VRK2: variants seen among roughly 807,000 people sequenced by gnomAD.
VRK2 encodes the protein VRK serine/threonine kinase 2.
In VRK2, 60 loss-of-function variants were observed where a neutral mutation model predicts 57.6. The observed-to-expected ratio is 1.04, with a 90% CI of 0.85 to 1.29. VRK2 has a LOEUF of 1.29. Ranked by LOEUF, VRK2 falls within the 50% of genes most tolerant of loss-of-function variation. The probability of loss-of-function intolerance (pLI) is 0.00; values close to 1 mark genes in which losing one functional copy is unlikely to be tolerated. For synonymous variants in VRK2, 231 were observed against 199.2 expected (o/e 1.16, Z -1.35); for missense variants, 705 against 588.1 (o/e 1.20, Z -2.06).
chr2:57,941,743 G>C (rs911265865), intron 1 of VRK2, among the ~76,000 whole-genome samples: 23 of 152,140 alleles, frequency 1.5e-4, no homozygotes, highest in Admixed American at 1.0e-3. Flanking sequence ...AGTGCCCTTT[G>C]GCTGGCCACA....
chr2:58,018,262 A>G (rs35876471), intron 1 of VRK2, among the ~76,000 whole-genome samples: 19,080 of 152,160 alleles, frequency 0.13, 1,340 homozygotes, highest in African/African-American at 0.18. Flanking sequence ...CAAAATGCTG[A>G]GATTACAGGC....
intron 1 of VRK2, among the ~76,000 whole-genome samples, chr2:57,974,647 T>A (rs142771475): frequency 1.3e-4 from 20 of 152,020 alleles, no homozygotes; most frequent in Middle Eastern, 3.4e-3. Context: ...CAAAGCCACT[T>A]CAGAGAAAAA....
chr2:58,131,717 T>G, intron 8 of VRK2, 91 bp from the exon 9 acceptor site: 1 of 1,413,552 alleles, frequency 7.1e-7, no homozygotes, highest in Non-Finnish European at 9.4e-7. Flanking sequence ...GGCTTTTTCA[T>G]ATTTCATCAG....
chr2:58,058,968 C>T (rs981199083), intron 2 of VRK2, among the ~76,000 whole-genome samples: 1 of 152,040 alleles, frequency 6.6e-6, no homozygotes, highest in African/African-American at 2.4e-5. Context: ...TTATAACAAG[C>T]TCATTTCTAA....
At chr2:58,129,975 G>C (rs1678937092) in intron 8 of VRK2, among the ~76,000 whole-genome samples, 2 of 152,144 alleles carry the variant, frequency 1.3e-5, no homozygotes, top group African/African-American at 4.8e-5. Context: ...TTTTAATTAG[G>C]TAAGACCAAA....
intron 2 of VRK2, among the ~76,000 whole-genome samples, chr2:58,027,732 A>G (rs1673977043): frequency 1.3e-5 from 2 of 152,240 alleles, no homozygotes; most frequent in Admixed American, 1.3e-4. Context: ...GTTTCAAACT[A>G]GAAAAATAAT....
At chr2:58,115,684 G>T (rs1317187281) in intron 7 of VRK2, among the ~76,000 whole-genome samples, 2 of 152,196 alleles carry the variant, frequency 1.3e-5, no homozygotes, top group Non-Finnish European at 2.9e-5. Context: ...GACATGATCA[G>T]CAGGGAGAGC....
intron 1 of VRK2, among the ~76,000 whole-genome samples, chr2:57,941,542 C>T (rs1671093733): frequency 6.6e-6 from 1 of 152,164 alleles, no homozygotes; most frequent in Non-Finnish European, 1.5e-5. Context: ...GACACCTTTT[C>T]TATATCGATC....
At chr2:58,075,785 G>C (rs1182071880) in intron 2 of VRK2, among the ~76,000 whole-genome samples, 1 of 152,050 alleles carries the variant, frequency 6.6e-6, no homozygotes, top group Non-Finnish European at 1.5e-5. Context: ...TTAGGTTCTG[G>C]CAAAGTAGTT....
intron 2 of VRK2, among the ~76,000 whole-genome samples, chr2:58,065,993 G>A (rs940633868): frequency 6.6e-6 from 1 of 152,060 alleles, no homozygotes; most frequent in South Asian, 2.1e-4. Flanking sequence ...AGTTATTCTA[G>A]GATTGGGTTT....
chr2:58,125,100 G>A (rs1678120781), intron 8 of VRK2, among the ~76,000 whole-genome samples: 1 of 152,046 alleles, frequency 6.6e-6, no homozygotes, highest in Admixed American at 6.5e-5. Flanking sequence ...CATCATACAG[G>A]TTCTTAAGCA....
At chr2:58,046,926 G>A (rs1052009900) in intron 1 of VRK2, 58 bp downstream of exon 1, 1 of 985,564 alleles carries the variant, frequency 1.0e-6, no homozygotes, top group Non-Finnish European at 1.2e-6. Context: ...TGCAGTGCCG[G>A]AGCCGCGGCC....
intron 3 of VRK2, among the ~76,000 whole-genome samples, chr2:58,036,949 A>T (rs1427292337): frequency 1.3e-5 from 2 of 151,172 alleles, no homozygotes; most frequent in Non-Finnish European, 3.0e-5. Flanking sequence ...TTATTAATTA[A>T]TTTTTTTTTG....
In VRK2 at chr2:58,095,025, G is replaced by C. The variant is rs572857187; in HGVS notation, c.543+5302G>C. 1.8e-4 allele frequency among the ~76,000 whole-genome samples: 27 copies of C among 152,290 alleles called. 1 individual carries two copies. The highest frequency in any genetic ancestry group is 3.2e-4 in the Non-Finnish European group (22 of 68,016). ...AAAAGGAATACTTGTGCTGGGCGCG[G>C]TGGCTCACGCCTGTAATCTCAGCAC... On this transcript the variant is annotated intron_variant, in intron 7 of 12. Transcript: ENST00000340157.
chr2:58,075,080 T>A (rs1017174348), intron 2 of VRK2, among the ~76,000 whole-genome samples: 2 of 152,066 alleles, frequency 1.3e-5, no homozygotes, highest in South Asian at 2.1e-4. Flanking sequence ...TTGTCTTTTG[T>A]TCCCTTCTTT....
chr2:58,088,194 T>A, intron 5 of VRK2, 147 bp from the exon 6 acceptor site: 1 of 628,660 alleles, frequency 1.6e-6, no homozygotes, highest in East Asian at 2.7e-5. Context: ...ATAGCAGAAT[T>A]ATGAACGTGC....
intron 2 of VRK2, among the ~76,000 whole-genome samples, chr2:58,032,644 G>A (rs1018792146): frequency 6.6e-6 from 1 of 152,066 alleles, no homozygotes; most frequent in African/African-American, 2.4e-5. Flanking sequence ...TGAGATAAAG[G>A]GGTGCTAGCT....
At position 58,149,320 on chromosome 2, in the gene VRK2, A is replaced by G. The variant is rs893604087; in HGVS notation, c.1182+2846A>G. Among the ~76,000 whole-genome samples, 7 of 151,920 alleles carry G rather than the reference A, an allele frequency of 4.6e-5. No individual in the cohort carries two copies. The South Asian group carries it at 8.3e-4, about 18-fold the overall frequency. ...TATTCCAGTTATTTGTTGCTGGTATATAGAAATAGAATTTATTTTCTATTT... is the reference window on the plus strand; with the variant it reads ...TATTCCAGTTATTTGTTGCTGGTATGTAGAAATAGAATTTATTTTCTATTT... On this transcript the variant is annotated intron_variant, in intron 12 of 12. Coordinates refer to ENST00000340157, the MANE Select transcript of VRK2 (RefSeq NM_006296.7).
At chr2:57,997,305 T>C (rs1044843283) in intron 1 of VRK2, among the ~76,000 whole-genome samples, 3 of 151,834 alleles carry the variant, frequency 2.0e-5, no homozygotes, top group Admixed American at 6.6e-5. Flanking sequence ...CAGAAAAACA[T>C]GTAAATATTA....
Sources: gnomAD v4.1 joint callset for allele counts (sites outside exome capture counted in the v4.1 genomes callset) on GRCh38, gnomAD v4.1.1 for gene constraint, MANE v1.5 for transcripts, NCBI Gene and HGNC (gene_info 2026-07-23, HGNC 2026-07-21) for gene names.